Variants in PDE8B observed in about 807,000 individuals in gnomAD.
PDE8B encodes the protein phosphodiesterase 8B.
Under a neutral mutation model 101.3 loss-of-function variants are expected in PDE8B, and 26 were observed. That is an observed-to-expected ratio of 0.26 (90% CI 0.19 to 0.36). The LOEUF (loss-of-function observed/expected upper bound fraction) is 0.36. PDE8B is among the 10% of genes least tolerant of loss of function. The pLI, the probability that PDE8B is intolerant of heterozygous loss-of-function variation, is 1.00. For synonymous variants in PDE8B, 424 were observed against 429.3 expected (o/e 0.99, Z 0.15); for missense variants, 810 against 1,163.1 (o/e 0.70, Z 4.42).
chr5:77,097,204 T>C, the PDE8B span, among the ~76,000 whole-genome samples: 2 of 152,190 alleles, frequency 1.3e-5, no homozygotes, highest in South Asian at 4.2e-4. Flanking sequence ...GCCTGTCCCC[T>C]AAAATTAGAC....
intron 1 of PDE8B, among the ~76,000 whole-genome samples, chr5:77,273,022 T>C (rs1474789960): frequency 2.0e-5 from 3 of 152,202 alleles, no homozygotes; most frequent in African/African-American, 7.2e-5. Flanking sequence ...AGACAAGACA[T>C]GAATTTAAAG....
intron 1 of PDE8B, among the ~76,000 whole-genome samples, chr5:77,215,948 A>G (rs971163065): frequency 2.0e-4 from 30 of 152,190 alleles, no homozygotes; most frequent in African/African-American, 7.0e-4. Context: ...TGATTGGGGA[A>G]TAAAAGCTGC....
chr5:77,352,648 A>G (rs1434414280), intron 9 of PDE8B, among the ~76,000 whole-genome samples: 1 of 151,938 alleles, frequency 6.6e-6, no homozygotes, highest in Non-Finnish European at 1.5e-5. Context: ...CCAGGTAAAG[A>G]GAGAGAGAGA....
chr5:77,333,917 A>AC, intron 5 of PDE8B, among the ~76,000 whole-genome samples: 1 of 152,202 alleles, frequency 6.6e-6, no homozygotes, highest in Non-Finnish European at 1.5e-5. Flanking sequence ...GTCAGGGACC[A>AC]CCTGGTGTTC....
the PDE8B span, among the ~76,000 whole-genome samples, chr5:77,162,848 C>T: frequency 6.6e-6 from 1 of 152,174 alleles, no homozygotes; most frequent in African/African-American, 2.4e-5. Flanking sequence ...AATTGCCTTT[C>T]TCAGGGTACA....
intron 1 of PDE8B, among the ~76,000 whole-genome samples, chr5:77,269,147 CTGTCTTT>C (rs1762296216): frequency 6.6e-6 from 1 of 151,994 alleles, no homozygotes; most frequent in Non-Finnish European, 1.5e-5. Flanking sequence ...TTGTTGTTGC[CTGTCTTT>C]TGGATTAAAG....
intron 2 of PDE8B, among the ~76,000 whole-genome samples, chr5:77,323,206 A>G (rs1775412177): frequency 6.6e-6 from 1 of 152,158 alleles, no homozygotes; most frequent in Non-Finnish European, 1.5e-5. Flanking sequence ...GTTTGATTTG[A>G]AGGCTTTCAT....
intron 5 of PDE8B, among the ~76,000 whole-genome samples, chr5:77,334,010 G>A (rs189449079): frequency 6.6e-5 from 10 of 152,330 alleles, no homozygotes; most frequent in East Asian, 3.9e-4. Context: ...GGAGAAGCAC[G>A]CTGCACCTAC....
At chr5:77,302,715 A>G (rs1325741692) in intron 1 of PDE8B, among the ~76,000 whole-genome samples, 1 of 152,244 alleles carries the variant, frequency 6.6e-6, no homozygotes, top group Non-Finnish European at 1.5e-5. Flanking sequence ...AAATAAGAGC[A>G]TGGCCTTCCC....
chr5:77,089,085 C>A, the PDE8B span, among the ~76,000 whole-genome samples: 2 of 152,122 alleles, frequency 1.3e-5, no homozygotes, highest in Non-Finnish European at 1.5e-5. Context: ...GAACCAGTAC[C>A]CTTTGTACCC....
At chr5:77,342,514 GTT>G (rs34891839) in intron 6 of PDE8B, among the ~76,000 whole-genome samples, 28,003 of 146,940 alleles carry the variant, frequency 0.19, 3,306 homozygotes, top group Middle Eastern at 0.33. Context: ...ATTTTTCAGA[GTT>G]TTTTTTTTTA....
Position 77,426,598 on chromosome 5 carries a change from TG to T in PDE8B, c.*45del, listed in dbSNP as rs760757183. The T allele has an allele frequency of 1.0e-6, 1 of 988,386 alleles. No individual in the cohort carries two copies. The highest frequency in any genetic ancestry group is 2.4e-5 in the East Asian group (1 of 41,816). The allele number at this position is 988,386 out of a possible 1,614,324, so 61.2% of individuals were successfully genotyped here. ...GCCTCTTGACCGACAAAGGACACTG[TG>T]AATCACAGTAGCGTAAACGAGAGGC... On this transcript the variant is annotated 3_prime_UTR_variant, in exon 22 of 22. Transcript: ENST00000264917.
chr5:77,307,906 C>G (rs1245859292), intron 1 of PDE8B, among the ~76,000 whole-genome samples: 5 of 152,212 alleles, frequency 3.3e-5, no homozygotes, highest in African/African-American at 1.2e-4. Context: ...TGGCCACTTC[C>G]TGGAATCAGA....
At chr5:77,356,094 T>C (rs1782058523) in intron 10 of PDE8B, among the ~76,000 whole-genome samples, 1 of 152,224 alleles carries the variant, frequency 6.6e-6, no homozygotes, top group Non-Finnish European at 1.5e-5. Flanking sequence ...TAATTTTCTT[T>C]CTTGGATGTT....
chr5:77,348,008 G>T (rs1178998117), intron 7 of PDE8B, among the ~76,000 whole-genome samples: 1 of 152,094 alleles, frequency 6.6e-6, no homozygotes, highest in East Asian at 1.9e-4. Flanking sequence ...GGAGATCCAT[G>T]AAGACAATAT....
intron 8 of PDE8B, 107 bp downstream of exon 8, chr5:77,349,666 A>G: frequency 8.0e-7 from 1 of 1,257,826 alleles, no homozygotes; most frequent in Non-Finnish European, 1.1e-6. Flanking sequence ...TAATGTCATA[A>G]TTAAGTGAAA....
intron 1 of PDE8B, among the ~76,000 whole-genome samples, chr5:77,242,048 G>A (rs1276771436): frequency 6.6e-6 from 1 of 152,186 alleles, no homozygotes; most frequent in African/African-American, 2.4e-5. Context: ...CTAATTTGGG[G>A]TAAGATGAAT....
the PDE8B span, among the ~76,000 whole-genome samples, chr5:77,127,807 G>A: frequency 2.0e-5 from 3 of 152,154 alleles, no homozygotes; most frequent in African/African-American, 4.8e-5. Context: ...AATTAATCTA[G>A]TGACTCAATA....
In PDE8B at chr5:77,426,465, C is replaced by G; in HGVS notation, c.2569C>G (p.Leu857Val). ...AWDAFAHLPA[L>V]MQHLADNYKH... ...TGCAGCCTTTGCACATCTGCCAGCC[C>G]TGATGCAACATTTGGCTGACAACTA... The change falls in exon 22 of 22, where the codon CTG (leucine) becomes GTG (valine). Residue 857 changes from leucine to valine, a missense_variant. By Grantham distance (32) the Leu-to-Val change is conservative (BLOSUM62 1). Transcript: ENST00000264917. 6.2e-7 allele frequency: 1 copy of G among 1,612,666 alleles called. No homozygotes were observed. The highest frequency in any genetic ancestry group is 8.5e-7 in the Non-Finnish European group (1 of 1,178,742).
Sources: allele counts gnomAD v4.1 joint callset (sites outside exome capture counted in the v4.1 genomes callset), GRCh38; gene constraint gnomAD v4.1.1; transcripts MANE v1.5; gene names NCBI Gene and HGNC (gene_info 2026-07-23, HGNC 2026-07-21).